The following CFAP299 variants were observed in gnomAD, a reference collection of about 807,000 sequenced individuals.
CFAP299 encodes cilia and flagella associated protein 299.
A neutral mutation model predicts 27.0 loss-of-function variants in CFAP299; 21 were observed. The ratio of observed to expected loss-of-function variants is 0.78; its 90% CI spans 0.55 to 1.12. The LOEUF is 1.12. Among genes scored for constraint, CFAP299 ranks in the 50% most tolerant of loss-of-function variants. The pLI is 0.00. For synonymous variants in CFAP299, 104 were observed against 98.1 expected (o/e 1.06, Z -0.36); for missense variants, 310 against 276.6 (o/e 1.12, Z -0.86).
At chr4:80,827,586 A>G (rs975213228) in intron 3 of CFAP299, among the ~76,000 whole-genome samples, 1 of 151,964 alleles carries the variant, frequency 6.6e-6, no homozygotes, top group Non-Finnish European at 1.5e-5. Flanking sequence ...CCATATATAA[A>G]AAACCCACAG....
chr4:80,558,599 G>A (rs1734896923), intron 2 of CFAP299, among the ~76,000 whole-genome samples: 1 of 151,592 alleles, frequency 6.6e-6, no homozygotes, highest in Non-Finnish European at 1.5e-5. Context: ...AGAGCGTCAG[G>A]CAGAGATGAT....
At chr4:80,883,509 A>G (rs536823120) in intron 4 of CFAP299, among the ~76,000 whole-genome samples, 2 of 152,292 alleles carry the variant, frequency 1.3e-5, no homozygotes, top group South Asian at 4.1e-4. Context: ...AGAAAACATT[A>G]TCCAACCATA....
At chr4:80,848,543 G>A (rs140111321) in intron 3 of CFAP299, among the ~76,000 whole-genome samples, 146 of 152,180 alleles carry the variant, frequency 9.6e-4, no homozygotes, top group African/African-American at 3.5e-3. Flanking sequence ...TGTGGTGGGA[G>A]GGATTGCTTG....
At chr4:80,876,951 T>G (rs750961733) in intron 4 of CFAP299, among the ~76,000 whole-genome samples, 14 of 152,188 alleles carry the variant, frequency 9.2e-5, no homozygotes, top group Non-Finnish European at 2.9e-5. Context: ...CTTCCTTCTT[T>G]CATTGAGCTT....
intron 2 of CFAP299, among the ~76,000 whole-genome samples, chr4:80,421,188 A>G (rs889183238): frequency 2.6e-5 from 4 of 152,108 alleles, no homozygotes; most frequent in Non-Finnish European, 5.9e-5. Context: ...ATGACCTTTT[A>G]TTATATGATC....
intron 2 of CFAP299, among the ~76,000 whole-genome samples, chr4:80,385,928 C>T (rs1420348109): frequency 6.6e-6 from 1 of 152,256 alleles, no homozygotes; most frequent in Non-Finnish European, 1.5e-5. Context: ...CCATCTCTCT[C>T]TTGCCGTGGC....
At chr4:80,321,619 G>A in the CFAP299 span, among the ~76,000 whole-genome samples, 1 of 152,166 alleles carries the variant, frequency 6.6e-6, no homozygotes, top group African/African-American at 2.4e-5. Context: ...AAGACTTGGC[G>A]AAGGTCATGA....
At chr4:80,473,053 C>T (rs1730087327) in intron 2 of CFAP299, among the ~76,000 whole-genome samples, 1 of 152,050 alleles carries the variant, frequency 6.6e-6, no homozygotes, top group African/African-American at 2.4e-5. Flanking sequence ...CTCCTTCCCT[C>T]AAGGGGCTTA....
intron 3 of CFAP299, among the ~76,000 whole-genome samples, chr4:80,717,017 A>G (rs879315088): frequency 6.6e-6 from 1 of 152,184 alleles, no homozygotes; most frequent in Non-Finnish European, 1.5e-5. Context: ...GTATTCATTT[A>G]CCCATTCATT....
intron 3 of CFAP299, among the ~76,000 whole-genome samples, chr4:80,622,549 C>T (rs1039297491): frequency 2.6e-5 from 4 of 152,100 alleles, no homozygotes; most frequent in Admixed American, 6.6e-5. Flanking sequence ...AATATAATAA[C>T]TTGACTGGCC....
At chr4:80,790,610 G>A (rs1428630190) in intron 3 of CFAP299, 2 of 151,976 alleles carry the variant, frequency 1.3e-5, no homozygotes, top group Non-Finnish European at 2.9e-5. Flanking sequence ...CAGTAAGTCT[G>A]CAGTTTGTAA....
chr4:80,872,884 A>G, intron 4 of CFAP299: 1 of 957,916 alleles, frequency 1.0e-6, no homozygotes, highest in African/African-American at 1.8e-5. Context: ...TCTTATGTGT[A>G]TTTCAAAATA....
chr4:80,395,863 T>G lies in CFAP299; in HGVS notation c.242+32979T>G, dbSNP rs529945603. On this transcript the variant is annotated intron_variant, in intron 2 of 5. Transcript: ENST00000358105. ...CATTCTTCAAAATGTAATTATTCCT[T>G]CAGTTACTGGTGACTGCATTAATTA... 7.9e-5 allele frequency among the ~76,000 whole-genome samples: 12 copies of G among 152,280 alleles called. No homozygotes were observed. The South Asian group carries it at 2.5e-3, about 32-fold the overall frequency.
At chr4:80,539,997 A>G (rs1733923162) in intron 2 of CFAP299, among the ~76,000 whole-genome samples, 1 of 151,306 alleles carries the variant, frequency 6.6e-6, no homozygotes. Flanking sequence ...TAGTTTTAGT[A>G]TTTTGTGTAA....
At chr4:80,854,367 C>T (rs942536991) in intron 3 of CFAP299, among the ~76,000 whole-genome samples, 15 of 150,898 alleles carry the variant, frequency 9.9e-5, no homozygotes, top group African/African-American at 3.6e-4. Context: ...GAGAAGCAGA[C>T]ATGCGGGACT....
intron 3 of CFAP299, among the ~76,000 whole-genome samples, chr4:80,794,522 T>A (rs992629016): frequency 6.6e-6 from 1 of 152,138 alleles, no homozygotes; most frequent in Non-Finnish European, 1.5e-5. Flanking sequence ...GGCATTGTAA[T>A]TGTGACTTCA....
At chr4:80,398,849 T>A (rs1406450707) in intron 2 of CFAP299, among the ~76,000 whole-genome samples, 2 of 152,132 alleles carry the variant, frequency 1.3e-5, no homozygotes, top group Non-Finnish European at 2.9e-5. Flanking sequence ...TGGGATCTAA[T>A]GAAACGAAAG....
At chr4:80,398,791 A>G (rs1199875123) in intron 2 of CFAP299, among the ~76,000 whole-genome samples, 1 of 152,238 alleles carries the variant, frequency 6.6e-6, no homozygotes, top group African/African-American at 2.4e-5. Context: ...CAAGGACTTC[A>G]TGTCTAAAAC....
At chr4:80,597,898 G>A (rs115930761) in intron 3 of CFAP299, among the ~76,000 whole-genome samples, 137 of 152,254 alleles carry the variant, frequency 9.0e-4, no homozygotes, top group African/African-American at 3.2e-3. Context: ...TGTTGGCCAT[G>A]CTTATCTTGA....
Sources: gnomAD v4.1 joint callset for allele counts (sites outside exome capture counted in the v4.1 genomes callset) on GRCh38, gnomAD v4.1.1 for gene constraint, MANE v1.5 for transcripts, NCBI Gene and HGNC (gene_info 2026-07-23, HGNC 2026-07-21) for gene names.